The following PIK3R4 variants were observed in gnomAD, a reference collection of about 807,000 sequenced individuals.
PIK3R4 encodes phosphoinositide-3-kinase regulatory subunit 4, also known as phosphoinositide 3-kinase regulatory subunit 4.
Under a neutral mutation model 136.5 loss-of-function variants are expected in PIK3R4, and 46 were observed. The ratio of observed to expected loss-of-function variants is 0.34; its 90% CI spans 0.27 to 0.43. The LOEUF is 0.43. Ranked by LOEUF, PIK3R4 falls within the 20% of genes least tolerant of loss-of-function variation. The probability of loss-of-function intolerance (pLI) is 1.00; values close to 1 mark genes in which losing one functional copy is unlikely to be tolerated. For missense variants in PIK3R4, 1,331 were observed against 1,649.5 expected, an observed-to-expected ratio of 0.81 and a Z score of 3.35; for synonymous variants, 557 against 566.7, an observed-to-expected ratio of 0.98 and a Z score of 0.24.
At chr3:130,685,453 G>A (rs2066484133) in intron 15 of PIK3R4, among the ~76,000 whole-genome samples, 1 of 152,122 alleles carries the variant, frequency 6.6e-6, no homozygotes, top group Admixed American at 6.6e-5. Context: ...ATATGCCTGA[G>A]ATTAATGGAA....
intron 3 of PIK3R4, 144 bp downstream of exon 3, chr3:130,735,725 G>T: frequency 1.7e-6 from 1 of 604,090 alleles, no homozygotes; most frequent in African/African-American, 1.9e-5. Context: ...CCCTAACAAA[G>T]TAATAACAAA....
intron 9 of PIK3R4, among the ~76,000 whole-genome samples, chr3:130,715,187 G>C (rs566126706): frequency 2.7e-5 from 4 of 148,178 alleles, no homozygotes; most frequent in Non-Finnish European, 5.9e-5. Flanking sequence ...GCAGCGGTGC[G>C]ATCTTTGCTC....
chr3:130,736,259 C>T (rs2066785067), intron 2 of PIK3R4, among the ~76,000 whole-genome samples: 2 of 152,132 alleles, frequency 1.3e-5, no homozygotes, highest in African/African-American at 4.8e-5. Context: ...AATAATTCCC[C>T]CGTTCTGTAA....
At position 130,744,679 on chromosome 3, in the gene PIK3R4, C is replaced by A. The variant is rs147808310; in HGVS notation, c.540G>T (p.Pro180=). Residue 180 remains proline, a synonymous_variant, in exon 2 of 20, where the codon CCG becomes CCT. Coordinates refer to ENST00000356763, the MANE Select transcript of PIK3R4 (RefSeq NM_014602.3). ...TGTCAAAGAAATAATTGAAATCTGC[C>A]GGGTTGTCTTCTGGAAGATAAGTGG... ...FKPTYLPEDN[P]ADFNYFFDTS... is the part of the protein sequence containing the mutation. 2.5e-6 allele frequency: 4 copies of A among 1,614,034 alleles called. No homozygotes were observed. The Admixed American group carries it at 6.7e-5, about 27-fold the overall frequency.
intron 16 of PIK3R4, among the ~76,000 whole-genome samples, chr3:130,682,027 C>T (rs1576448965): frequency 3.3e-5 from 5 of 152,274 alleles, no homozygotes; most frequent in Admixed American, 3.3e-4. Flanking sequence ...CTGAATGAAC[C>T]ACATCAACAA....
chr3:130,704,489 C>T (rs986356163), intron 12 of PIK3R4, among the ~76,000 whole-genome samples: 36 of 152,158 alleles, frequency 2.4e-4, no homozygotes, highest in Non-Finnish European at 2.1e-4. Context: ...CCAGCATTTT[C>T]CCCAAGTCCA....
rs2066770628 is a variant in PIK3R4 at position 130,733,654 on chromosome 3, G to A, written c.1344C>T (p.Val448=). The A allele has an allele frequency of 1.9e-6, 3 of 1,614,058 alleles. No individual in the cohort carries two copies. The East Asian group carries it at 6.7e-5, about 36-fold the overall frequency. The change falls in exon 4 of 20, where the codon GTC becomes GTT. Residue 448 remains valine (V), a synonymous_variant. Coordinates refer to ENST00000356763, the MANE Select transcript of PIK3R4 (RefSeq NM_014602.3). ...LRTLTKVLAL[V]KEVPRNDINI... is the part of the protein sequence containing the mutation. Reference sequence around the variant, plus strand: ...TGATATCATTACGAGGAACCTCTTTGACGAGAGCAAGAACTTTGGTCAACG... The same window carrying A: ...TGATATCATTACGAGGAACCTCTTTAACGAGAGCAAGAACTTTGGTCAACG...
In PIK3R4 at chr3:130,707,046, G is replaced by C. The variant is rs1268333585; in HGVS notation, c.2623C>G (p.Leu875Val). Reference sequence around the variant, plus strand: ...ACCTCCTGATCACTCCCTTTAGGTAGGGCCTGTGGCATGTTTGGTGGGTCC... The same window carrying C: ...ACCTCCTGATCACTCCCTTTAGGTACGGCCTGTGGCATGTTTGGTGGGTCC... ...SLDPPNMPQALPKGSDQEVIQ... is the reference protein window; with the variant it reads ...SLDPPNMPQAVPKGSDQEVIQ... Residue 875 changes from leucine to valine, a missense_variant, in exon 11 of 20, where the codon CTA (leucine) becomes GTA (valine). Coordinates refer to ENST00000356763, the MANE Select transcript of PIK3R4 (RefSeq NM_014602.3). The C allele has an allele frequency of 1.2e-6, 2 of 1,612,852 alleles. No individual in the cohort carries two copies. Among genetic ancestry groups the C allele is most frequent in the East Asian group, 2.2e-5 (1 of 44,810 alleles).
Position 130,733,569 on chromosome 3 carries a change from T to C in PIK3R4, c.1429A>G (p.Ile477Val), listed in dbSNP as rs560186214. 2.5e-6 allele frequency: 4 copies of C among 1,611,840 alleles called. No homozygotes were observed. Among genetic ancestry groups the C allele is most frequent in the Admixed American group, 3.3e-5 (2 of 60,020 alleles). Residue 477 changes from isoleucine to valine, a missense_variant, in exon 4 of 20, where the codon ATC becomes GTC. Coordinates refer to ENST00000356763, the MANE Select transcript of PIK3R4 (RefSeq NM_014602.3). The stretch of plus-strand genomic sequence containing the variant: ...TTACCAGCATAGGCTAGTCTAACGA[T>C]AGTAGCATCATCTTGGGCTAAGTGG... ...IAHLAQDDAT[I>V]VRLAYAENIA...
intron 13 of PIK3R4, 22 bp from the exon 14 acceptor site, chr3:130,690,676 T>C: frequency 6.6e-7 from 1 of 1,515,634 alleles, no homozygotes; most frequent in Non-Finnish European, 9.1e-7. Flanking sequence ...AAAAATAAAA[T>C]TCATTTATGA....
intron 5 of PIK3R4, among the ~76,000 whole-genome samples, chr3:130,729,870 A>G (rs1195735014): frequency 6.6e-6 from 1 of 152,208 alleles, no homozygotes; most frequent in Non-Finnish European, 1.5e-5. Flanking sequence ...TTTGACATCA[A>G]TAAGTTTACC....
intron 17 of PIK3R4, 156 bp from the exon 18 acceptor site, chr3:130,681,221 A>G (rs2066456410): frequency 6.1e-6 from 4 of 654,060 alleles, no homozygotes; most frequent in Admixed American, 2.5e-5. Flanking sequence ...ATCTACTTCA[A>G]TCTGGCCTTT....
chr3:130,699,727 T>A (rs570970788), intron 13 of PIK3R4, among the ~76,000 whole-genome samples: 2 of 152,222 alleles, frequency 1.3e-5, no homozygotes, highest in Admixed American at 6.5e-5. Context: ...AAACCCCATA[T>A]GCTTTTCTTA....
chr3:130,714,629 G>C (rs908490731), intron 9 of PIK3R4, among the ~76,000 whole-genome samples: 1 of 148,798 alleles, frequency 6.7e-6, no homozygotes. Context: ...AACAGGCACT[G>C]GTTTGTGTCG....
chr3:130,690,502 G>A lies in PIK3R4; in HGVS notation c.3251C>T (p.Pro1084Leu). The stretch of plus-strand genomic sequence containing the variant: ...AAAGATAAGATACCTGCTTTGTAGA[G>A]GATGGATTTTAGGAGACTTGGGCAG... Reference protein sequence around the residue: ...SKLPKSPKIHPLQSRILDQKE... With the variant: ...SKLPKSPKIHLLQSRILDQKE... The change falls in exon 14 of 20, where the codon CCT (proline) becomes CTT (leucine). Residue 1084 changes from proline (P) to leucine (L), a missense_variant. Transcript: ENST00000356763. The A allele has an allele frequency of 1.2e-6, 2 of 1,611,700 alleles. No homozygotes were observed. The highest frequency in any genetic ancestry group is 1.1e-5 in the South Asian group (1 of 90,748).
intron 1 of PIK3R4, among the ~76,000 whole-genome samples, chr3:130,745,825 G>C (rs1434072883): frequency 6.6e-6 from 1 of 152,038 alleles, no homozygotes; most frequent in Non-Finnish European, 1.5e-5. Flanking sequence ...AGCTCAAGAC[G>C]GGGCTGGCCA....
At chr3:130,718,332 T>C in intron 8 of PIK3R4, 57 bp downstream of exon 8, 1 of 1,491,050 alleles carries the variant, frequency 6.7e-7, no homozygotes, top group Non-Finnish European at 9.2e-7. Context: ...TCTAAACATT[T>C]TTTTTAAAGA....
At chr3:130,702,770 AT>A (rs2066582032) in intron 13 of PIK3R4, among the ~76,000 whole-genome samples, 1 of 152,132 alleles carries the variant, frequency 6.6e-6, no homozygotes, top group South Asian at 2.1e-4. Flanking sequence ...TCATAATCAC[AT>A]TTATTAAAAT....
intron 3 of PIK3R4, among the ~76,000 whole-genome samples, chr3:130,735,407 T>C (rs2066780798): frequency 6.6e-6 from 1 of 152,196 alleles, no homozygotes; most frequent in African/African-American, 2.4e-5. Flanking sequence ...TGTAGCTGCC[T>C]TTCCAGAACT....
Sources: allele counts gnomAD v4.1 joint callset (sites outside exome capture counted in the v4.1 genomes callset), GRCh38; gene constraint gnomAD v4.1.1; transcripts MANE v1.5; gene names NCBI Gene and HGNC (gene_info 2026-07-23, HGNC 2026-07-21).